The following LENG8 variants were observed in gnomAD, a reference collection of about 807,000 sequenced individuals.
The protein encoded by LENG8 is leukocyte receptor cluster member 8, also known as leukocyte receptor cluster (LRC) member 8.
In LENG8, 28 loss-of-function variants were observed where a neutral mutation model predicts 102.1. That is an observed-to-expected ratio of 0.27 (90% CI 0.20 to 0.38). The LOEUF is 0.38. Ranked by LOEUF, LENG8 falls within the 10% of genes least tolerant of loss-of-function variation. The pLI is 1.00. For missense variants in LENG8, 1,022 were observed against 1,113.9 expected (o/e 0.92, Z 1.17); for synonymous variants, 531 against 456.7 (o/e 1.16, Z -2.07).
intron 15 of LENG8, chr19:54,458,869 C>G: frequency 6.5e-7 from 1 of 1,549,884 alleles, no homozygotes; most frequent in Non-Finnish European, 8.7e-7. Flanking sequence ...ACCCTGAGGT[C>G]TCTGCTTTCT....
At chr19:54,454,343 A>C (rs2084105013) in intron 5 of LENG8, 87 bp from the exon 6 acceptor site, 3 of 1,370,330 alleles carry the variant, frequency 2.2e-6, no homozygotes, top group Non-Finnish European at 2.0e-6. Flanking sequence ...GAGTGCTGTG[A>C]CCACTGCGTC....
At chr19:54,457,179 C>T (rs1020838358) in intron 11 of LENG8, among the ~76,000 whole-genome samples, 5 of 152,232 alleles carry the variant, frequency 3.3e-5, no homozygotes, top group Admixed American at 1.3e-4. Context: ...TTAGGTGACA[C>T]GGAGCATAAA....
Position 54,462,015 on chromosome 19 carries a change from A to C in LENG8, c.*1087A>C, listed in dbSNP as rs565801495. 1.4e-5 allele frequency: 20 copies of C among 1,462,244 alleles called. No homozygotes were observed. The highest frequency in any genetic ancestry group is 2.8e-5 in the African/African-American group (2 of 70,912). The allele number at this position is 1,462,244 out of a possible 1,614,324, so 90.6% of individuals were successfully genotyped here. ...ACCAAAATTAAAGAGAGAAAGAGAG[A>C]GCGTGCACGCTCCTGCTTTGTCTTT... is the stretch of plus-strand genomic sequence containing the variant. On this transcript the variant is annotated 3_prime_UTR_variant, in exon 16 of 16. Transcript: ENST00000326764.
chr19:54,457,497 C>T (rs371039181), intron 11 of LENG8, among the ~76,000 whole-genome samples: 9 of 152,268 alleles, frequency 5.9e-5, no homozygotes, highest in South Asian at 2.1e-4. Context: ...TCTGCCACTA[C>T]GCCTGGCTGA....
intron 2 of LENG8, 54 bp from the exon 3 acceptor site, chr19:54,452,039 C>T (rs2083985062): frequency 2.0e-6 from 3 of 1,530,046 alleles, no homozygotes; most frequent in East Asian, 2.3e-5. Context: ...CCAACTTGCC[C>T]ACCTGTGTAC....
At chr19:54,454,742 T>C (rs2084135358) in intron 6 of LENG8, 60 bp downstream of exon 6, 1 of 1,512,634 alleles carries the variant, frequency 6.6e-7, no homozygotes, top group Middle Eastern at 1.7e-4. Context: ...AGCTCCTGGG[T>C]GTGAGGCCCG....
chr19:54,450,847 C>T (rs560342272), intron 1 of LENG8, among the ~76,000 whole-genome samples: 11 of 152,168 alleles, frequency 7.2e-5, no homozygotes, highest in Admixed American at 2.0e-4. Flanking sequence ...CTCGAACTCC[C>T]GACCTCAGGT....
intron 5 of LENG8, 92 bp from the exon 6 acceptor site, chr19:54,454,338 C>G: frequency 7.6e-7 from 1 of 1,321,038 alleles, no homozygotes; most frequent in Non-Finnish European, 1.0e-6. Flanking sequence ...GTGCTGAGTG[C>G]TGTGACCACT....
intron 14 of LENG8, 25 bp downstream of exon 14, chr19:54,458,257 G>A (rs1356075685): frequency 2.5e-6 from 4 of 1,614,026 alleles, no homozygotes; most frequent in Non-Finnish European, 3.4e-6. Context: ...CCAGGACAGA[G>A]GCCATGGTAC....
chr19:54,460,007 G>A (rs1018885914), intron 15 of LENG8: 1 of 1,252,966 alleles, frequency 8.0e-7, no homozygotes, highest in South Asian at 1.3e-5. Context: ...TCGTGGGTGG[G>A]GCGCCAGTCT....
chr19:54,453,687 C>A, intron 5 of LENG8, 31 bp downstream of exon 5: 1 of 1,489,446 alleles, frequency 6.7e-7, no homozygotes, highest in Non-Finnish European at 9.3e-7. Flanking sequence ...CCATACCCTG[C>A]TCAAGCAGAG....
In LENG8 at chr19:54,460,495, C is replaced by T. The variant is rs907380590; in HGVS notation, c.2241-271C>T. On this transcript the variant is annotated intron_variant, in intron 15 of 15. Transcript: ENST00000326764. Reference sequence around the variant, plus strand: ...CTGCCCCTCAGCCAGCGGAGGAGCCCGCTGGGCCCTTCCCTGCCCGTCCCC... The same window carrying T: ...CTGCCCCTCAGCCAGCGGAGGAGCCTGCTGGGCCCTTCCCTGCCCGTCCCC... 34 of 1,358,440 alleles carry T rather than the reference C, an allele frequency of 2.5e-5. No homozygotes were observed. In the African/African-American group the frequency reaches 3.1e-4, roughly 12 times the overall value. The allele number at this position is 1,358,440 out of a possible 1,614,324, so 84.1% of individuals were successfully genotyped here.
Position 54,456,258 on chromosome 19 carries a change from C to T in LENG8, c.1304+13C>T, listed in dbSNP as rs1177006378. 8 of 1,613,944 alleles carry T rather than the reference C, an allele frequency of 5.0e-6. No homozygotes were observed. The highest frequency in any genetic ancestry group is 6.8e-6 in the Non-Finnish European group (8 of 1,179,962). On this transcript the variant is annotated intron_variant, in intron 9 of 15. Coordinates refer to ENST00000326764, the MANE Select transcript of LENG8 (RefSeq NM_052925.4). ...ACTTCCGCAGAAGGTACTGAGGCTC[C>T]CGGCTGGGGCTGTGTGTGAGGGAGG...
Position 54,460,939 on chromosome 19 carries a change from A to G in LENG8, c.*11A>G. ...CTGTCAGCCTTCTGAGCACCCAGCGAGGAGGGGCGGGGGCAGGGGCTGCAG... is the reference window on the plus strand; with the variant it reads ...CTGTCAGCCTTCTGAGCACCCAGCGGGGAGGGGCGGGGGCAGGGGCTGCAG... On this transcript the variant is annotated 3_prime_UTR_variant, in exon 16 of 16. Coordinates refer to ENST00000326764, the MANE Select transcript of LENG8 (RefSeq NM_052925.4). 1 of 1,543,018 alleles carries G rather than the reference A, an allele frequency of 6.5e-7. No homozygotes were observed. The highest frequency in any genetic ancestry group is 2.4e-5 in the East Asian group (1 of 41,088).
rs889147 is a variant in LENG8 at position 54,455,400 on chromosome 19, G to C, written c.858G>C (p.Pro286=). The change falls in exon 8 of 16, where the codon CCG becomes CCC. Residue 286 remains proline (P), a synonymous_variant. Coordinates refer to ENST00000326764, the MANE Select transcript of LENG8 (RefSeq NM_052925.4). The part of the protein sequence containing the change: ...SSARGNLSGK[P]DDWPQDMKEY... ...CCCGGGGGAACCTGTCTGGGAAGCC[G>C]GATGACTGGCCCCAGGACATGAAAG... The C allele has an allele frequency of 0.38, 612,184 of 1,613,860 alleles. 119,518 individuals are homozygous for C. Among genetic ancestry groups the C allele is most frequent in the East Asian group, 0.6 (27,041 of 44,862 alleles).
intron 11 of LENG8, among the ~76,000 whole-genome samples, chr19:54,457,259 TCTG>T (rs1203128470): frequency 1.2e-4 from 19 of 152,352 alleles, no homozygotes; most frequent in African/African-American, 4.3e-4. Flanking sequence ...TAGTCACTGT[TCTG>T]CTGCAGAACC....
At chr19:54,458,779 C>T in intron 15 of LENG8, 1 of 1,551,244 alleles carries the variant, frequency 6.4e-7, no homozygotes, top group Non-Finnish European at 8.7e-7. Flanking sequence ...GCCTCTTCTC[C>T]ACCCCATCTG....
Position 54,455,996 on chromosome 19 carries a change from C to T in LENG8, c.1055C>T (p.Pro352Leu), listed in dbSNP as rs267605667. ...ACCCGGGAGCCTGTGGCTGAGAGCCCTAAGAAGAAGCGGTGGGAGGCCGCT... is the reference window on the plus strand; with the variant it reads ...ACCCGGGAGCCTGTGGCTGAGAGCCTTAAGAAGAAGCGGTGGGAGGCCGCT... ...GLTREPVAES[P>L]KKKRWEAASS... The change falls in exon 9 of 16, where the codon CCT (proline) becomes CTT (leucine). Residue 352 changes from proline (P) to leucine (L), a missense_variant. Physicochemically the swap from Pro to Leu is moderately conservative, Grantham distance 98. Transcript: ENST00000326764. 12 of 1,613,028 alleles carry T rather than the reference C, an allele frequency of 7.4e-6. No individual in the cohort carries two copies. Among genetic ancestry groups the T allele is most frequent in the Non-Finnish European group, 9.3e-6 (11 of 1,179,790 alleles).
In LENG8 at chr19:54,455,980, C is replaced by G; in HGVS notation, c.1039C>G (p.Pro347Ala). The change falls in exon 9 of 16, where the codon CCT becomes GCT. Residue 347 changes from proline to alanine, a missense_variant. Physicochemically the swap from Pro to Ala is conservative, Grantham distance 27. Transcript: ENST00000326764. ...REPLPGLTREPVAESPKKKRW... is the reference protein window; with the variant it reads ...REPLPGLTREAVAESPKKKRW... ...CTGTATTCTCAGGCTGACCCGGGAGCCTGTGGCTGAGAGCCCTAAGAAGAA... is the reference window on the plus strand; with the variant it reads ...CTGTATTCTCAGGCTGACCCGGGAGGCTGTGGCTGAGAGCCCTAAGAAGAA... The G allele has an allele frequency of 6.2e-7, 1 of 1,612,484 alleles. No individual in the cohort carries two copies. Among genetic ancestry groups the G allele is most frequent in the Non-Finnish European group, 8.5e-7 (1 of 1,179,642 alleles).
Sources: gnomAD v4.1 joint callset for allele counts (sites outside exome capture counted in the v4.1 genomes callset) on GRCh38, gnomAD v4.1.1 for gene constraint, MANE v1.5 for transcripts, NCBI Gene and HGNC (gene_info 2026-07-23, HGNC 2026-07-21) for gene names.